The following GGNBP2 variants were observed in gnomAD, a reference collection of about 807,000 sequenced individuals.
The protein encoded by GGNBP2 is gametogenetin-binding protein 2.
GGNBP2 carries 10 observed loss-of-function variants against 85.9 expected under a neutral mutation model. The ratio of observed to expected loss-of-function variants is 0.12; its 90% confidence interval spans 0.07 to 0.20. The LOEUF (loss-of-function observed/expected upper bound fraction) is 0.20, where lower values mean the gene tolerates loss of function less well. Ranked by LOEUF, GGNBP2 falls within the 10% of genes least tolerant of loss-of-function variation. The pLI is 1.00. For missense variants in GGNBP2, 595 were observed against 857.8 expected (o/e 0.69, Z 3.83); for synonymous variants, 287 against 285.7 (o/e 1.00, Z -0.05).
chr17:36,567,014 T>TA (rs199712308), intron 5 of GGNBP2, among the ~76,000 whole-genome samples: 9,657 of 149,624 alleles, frequency 0.065, 402 homozygotes, highest in Non-Finnish European at 0.097. Flanking sequence ...AAAATAAAAG[T>TA]AAAAAAAAAA....
intron 4 of GGNBP2, 108 bp from the exon 5 acceptor site, chr17:36,560,664 GT>G: frequency 6.3e-6 from 4 of 634,158 alleles, no homozygotes; most frequent in East Asian, 3.0e-5. Context: ...GAGAAAAGTG[GT>G]TTTTTTGTGT....
intron 1 of GGNBP2, 76 bp from the exon 2 acceptor site, chr17:36,545,543 C>T (rs1345144898): frequency 3.5e-6 from 2 of 571,116 alleles, no homozygotes; most frequent in African/African-American, 1.9e-5. Flanking sequence ...TACCCTCCCG[C>T]TCCGCTCCCT....
At chr17:36,567,166 C>T (rs1295338499) in intron 5 of GGNBP2, among the ~76,000 whole-genome samples, 2 of 151,990 alleles carry the variant, frequency 1.3e-5, no homozygotes, top group East Asian at 3.8e-4. Context: ...TATATTTGCT[C>T]ATAGAATACT....
chr17:36,569,344 A>AC (rs1279173273), intron 6 of GGNBP2, among the ~76,000 whole-genome samples: 1 of 152,178 alleles, frequency 6.6e-6, no homozygotes, highest in Non-Finnish European at 1.5e-5. Context: ...ACCAGGAGGT[A>AC]GAGGTTGCAG....
At chr17:36,581,112 G>A (rs904699381) in intron 8 of GGNBP2, among the ~76,000 whole-genome samples, 1 of 151,694 alleles carries the variant, frequency 6.6e-6, no homozygotes, top group Non-Finnish European at 1.5e-5. Context: ...GTGAAACCCC[G>A]TCTCTACTAA....
chr17:36,578,284 A>G (rs909955641), intron 7 of GGNBP2, 98 bp downstream of exon 7: 1 of 847,410 alleles, frequency 1.2e-6, no homozygotes, highest in Non-Finnish European at 1.8e-6. Context: ...AGTACATATG[A>G]TATATGTATA....
intron 13 of GGNBP2, 141 bp from the exon 14 acceptor site, chr17:36,589,067 C>T (rs1380463241): frequency 6.2e-6 from 4 of 643,772 alleles, no homozygotes; most frequent in Non-Finnish European, 1.1e-5. Context: ...GATGCTTATT[C>T]TGCAAACACT....
At chr17:36,548,105 G>C (rs1256530660) in intron 2 of GGNBP2, among the ~76,000 whole-genome samples, 1 of 152,102 alleles carries the variant, frequency 6.6e-6, no homozygotes, top group Admixed American at 6.5e-5. Flanking sequence ...TTGTCCCTAG[G>C]GTCTGTAGGT....
At chr17:36,545,881 C>G (rs2074248969) in intron 2 of GGNBP2, 64 bp downstream of exon 2, 1 of 1,172,474 alleles carries the variant, frequency 8.5e-7, no homozygotes, top group Middle Eastern at 1.9e-4. Flanking sequence ...TCCTCCCCCT[C>G]CCCCAGGCCG....
In GGNBP2 at chr17:36,568,761, C is replaced by CT. The variant is rs111294455; in HGVS notation, c.641+998dup. Among the ~76,000 whole-genome samples the CT allele has an allele frequency of 4.7e-3, 676 of 143,634 alleles. 4 individuals are homozygous for CT. The highest frequency in any genetic ancestry group is 0.011 in the Admixed American group (156 of 14,374). 94.2% of individuals were successfully genotyped at this position (143,634 alleles called of 152,430 possible). ...AACACTACTTTTACAAAGGAATTTT[C>CT]TTTTTTTTTTTTTGAGACGAAGTCT... is the stretch of plus-strand genomic sequence containing the variant. On this transcript the variant is annotated intron_variant, in intron 6 of 13. Transcript: ENST00000613102.
chr17:36,563,055 C>T (rs1182082115), intron 5 of GGNBP2, among the ~76,000 whole-genome samples: 2 of 145,636 alleles, frequency 1.4e-5, no homozygotes, highest in African/African-American at 2.5e-5. Context: ...TCTCTGAGGT[C>T]GGGGGTTCGA....
chr17:36,571,832 G>A (rs1292094037), intron 6 of GGNBP2, among the ~76,000 whole-genome samples: 3 of 151,968 alleles, frequency 2.0e-5, no homozygotes, highest in African/African-American at 7.2e-5. Context: ...GACAGAGCGA[G>A]ACTCCATCTC....
chr17:36,559,660 T>C (rs1308017888), intron 4 of GGNBP2, among the ~76,000 whole-genome samples: 4 of 152,138 alleles, frequency 2.6e-5, no homozygotes, highest in Non-Finnish European at 5.9e-5. Context: ...CTGTAGCTGC[T>C]GAGTGAGGCC....
intron 6 of GGNBP2, among the ~76,000 whole-genome samples, chr17:36,571,882 A>G (rs1361902095): frequency 6.6e-6 from 1 of 151,604 alleles, no homozygotes. Flanking sequence ...ATAAATAAAT[A>G]TAAAAACAAA....
chr17:36,557,400 C>A, intron 4 of GGNBP2, 64 bp downstream of exon 4: 1 of 1,353,124 alleles, frequency 7.4e-7, no homozygotes, highest in Non-Finnish European at 1.0e-6. Context: ...GTGACAGTGG[C>A]AGCTTATTTT....
At chr17:36,581,603 G>C in intron 9 of GGNBP2, 65 bp downstream of exon 9, 1 of 1,255,106 alleles carries the variant, frequency 8.0e-7, no homozygotes, top group Middle Eastern at 2.4e-4. Context: ...GTACAGGCCA[G>C]GTGTGGTGGC....
Position 36,589,775 on chromosome 17 carries a change from ATGTT to A in GGNBP2, c.*367_*370del, listed in dbSNP as rs1335241850. 4.7e-6 allele frequency: 1 copy of A among 213,356 alleles called. No individual in the cohort carries two copies. Among genetic ancestry groups the A allele is most frequent in the African/African-American group, 2.3e-5 (1 of 43,402 alleles). 13.2% of individuals were successfully genotyped at this position (213,356 alleles called of 1,614,324 possible). A position where few individuals can be genotyped will look rare whatever the true frequency, so the allele number is the denominator to read the frequency against. Reference sequence around the variant, plus strand: ...TACAAAGTAGACATCCACTTGCAAAATGTTTGGATGTAATGTTAAAGCGCAATGT... The same window carrying A: ...TACAAAGTAGACATCCACTTGCAAAATGGATGTAATGTTAAAGCGCAATGT... On this transcript the variant is annotated 3_prime_UTR_variant, in exon 14 of 14. Transcript: ENST00000613102.
At chr17:36,564,068 A>C (rs76847684) in intron 5 of GGNBP2, among the ~76,000 whole-genome samples, 10 of 152,104 alleles carry the variant, frequency 6.6e-5, no homozygotes, top group African/African-American at 2.4e-4. Context: ...TCTTTTAAAA[A>C]TTTTTTATTT....
intron 5 of GGNBP2, among the ~76,000 whole-genome samples, chr17:36,561,447 G>A (rs2074415654): frequency 6.6e-6 from 1 of 151,984 alleles, no homozygotes; most frequent in Non-Finnish European, 1.5e-5. Context: ...GGAAATGTAT[G>A]CAGCTAATAT....
Sources: gnomAD v4.1 joint callset for allele counts (sites outside exome capture counted in the v4.1 genomes callset) on GRCh38, gnomAD v4.1.1 for gene constraint, MANE v1.5 for transcripts, NCBI Gene and HGNC (gene_info 2026-07-23, HGNC 2026-07-21) for gene names.